GCM1: variants seen among roughly 807,000 people sequenced by gnomAD.
GCM1 encodes the protein chorion-specific transcription factor GCMa.
GCM1 carries 2 observed loss-of-function variants against 25.7 expected under a neutral mutation model. The observed-to-expected ratio is 0.08, with a 90% CI of 0.03 to 0.24. GCM1 has a LOEUF of 0.24. Among genes scored for constraint, GCM1 ranks in the 10% least tolerant of loss-of-function variants. The probability of loss-of-function intolerance (pLI) is 1.00; values close to 1 mark genes in which losing one functional copy is unlikely to be tolerated. For synonymous variants in GCM1, 183 were observed against 195.7 expected (o/e 0.94, Z 0.54); for missense variants, 395 against 538.7 (o/e 0.73, Z 2.64).
At chr6:53,144,253 T>A (rs1763921242) in intron 2 of GCM1, among the ~76,000 whole-genome samples, 1 of 150,930 alleles carries the variant, frequency 6.6e-6, no homozygotes, top group Non-Finnish European at 1.5e-5. Flanking sequence ...GAGACCCTCC[T>A]CTCAAAAACA....
chr6:53,139,438 G>A (rs1763842865), intron 2 of GCM1, among the ~76,000 whole-genome samples: 1 of 144,428 alleles, frequency 6.9e-6, no homozygotes, highest in Non-Finnish European at 1.5e-5. Context: ...AAGGCAGAAG[G>A]TTGCTTGAGC....
At chr6:53,133,138 A>G (rs1763748938) in intron 3 of GCM1, among the ~76,000 whole-genome samples, 1 of 152,202 alleles carries the variant, frequency 6.6e-6, no homozygotes, top group South Asian at 2.1e-4. Flanking sequence ...TACATGGGTC[A>G]TTGATGAATT....
chr6:53,148,302 G>C (rs1037484712), intron 1 of GCM1, among the ~76,000 whole-genome samples: 12 of 151,958 alleles, frequency 7.9e-5, no homozygotes, highest in Non-Finnish European at 1.5e-4. Context: ...TAAAAACCTT[G>C]GCAAATAAGA....
intron 2 of GCM1, among the ~76,000 whole-genome samples, chr6:53,145,281 G>C (rs1763938365): frequency 6.6e-6 from 1 of 152,200 alleles, no homozygotes; most frequent in South Asian, 2.1e-4. Flanking sequence ...GCCAGAGTGA[G>C]TGCAACCTGA....
chr6:53,146,222 T>A (rs974923369), intron 1 of GCM1, among the ~76,000 whole-genome samples: 6,766 of 81,830 alleles, frequency 0.083, 115 homozygotes, highest in East Asian at 0.12. Context: ...ATATATTTTT[T>A]TTTTTTTTTT....
chr6:53,144,906 C>T lies in GCM1; in HGVS notation c.75+652G>A, dbSNP rs545893154. 4.6e-5 allele frequency among the ~76,000 whole-genome samples: 5 copies of T among 108,806 alleles called. No individual in the cohort carries two copies. In the East Asian group the frequency reaches 1.4e-3, roughly 31 times the overall value. 71.4% of individuals were successfully genotyped at this position (108,806 alleles called of 152,430 possible). On this transcript the variant is annotated intron_variant, in intron 2 of 5. Transcript: ENST00000259803. Reference sequence around the variant, plus strand: ...CTCCAACCTAGTTGACAGAGCCAGACCCTACCTCAAAAAAAAAAAAAAAAA... The same window carrying T: ...CTCCAACCTAGTTGACAGAGCCAGATCCTACCTCAAAAAAAAAAAAAAAAA...
intron 5 of GCM1, among the ~76,000 whole-genome samples, chr6:53,129,805 G>T (rs1420911787): frequency 6.6e-6 from 1 of 152,006 alleles, no homozygotes; most frequent in Non-Finnish European, 1.5e-5. Flanking sequence ...TGGGAATTTT[G>T]TTGAACCATA....
At chr6:53,143,960 G>A (rs1763917220) in intron 2 of GCM1, among the ~76,000 whole-genome samples, 1 of 152,174 alleles carries the variant, frequency 6.6e-6, no homozygotes, top group Admixed American at 6.5e-5. Flanking sequence ...CCCTGCTTCT[G>A]ATAACTCAAA....
intron 1 of GCM1, among the ~76,000 whole-genome samples, chr6:53,147,001 GC>G (rs1763967061): frequency 6.6e-6 from 1 of 152,106 alleles, no homozygotes; most frequent in South Asian, 2.1e-4. Context: ...GTCACTGCAT[GC>G]CAGCCTGGGT....
intron 2 of GCM1, among the ~76,000 whole-genome samples, chr6:53,144,723 C>T (rs1251420110): frequency 3.3e-5 from 5 of 151,556 alleles, no homozygotes; most frequent in South Asian, 2.1e-4. Flanking sequence ...AAGACCAGCC[C>T]GGGCAACATG....
At chr6:53,130,705 G>A (rs1308729882) in intron 5 of GCM1, 98 bp downstream of exon 5, 2 of 940,022 alleles carry the variant, frequency 2.1e-6, no homozygotes, top group Non-Finnish European at 3.2e-6. Context: ...CATGATTTCT[G>A]GCTTTCCTGC....
At chr6:53,130,747 CCAGCA>C in intron 5 of GCM1, 51 bp downstream of exon 5, 1 of 1,498,636 alleles carries the variant, frequency 6.7e-7, no homozygotes, top group Non-Finnish European at 9.1e-7. Context: ...TCTACCGCCC[CCAGCA>C]CAGGCGTGGC....
At chr6:53,141,674 G>A (rs926860314) in intron 2 of GCM1, among the ~76,000 whole-genome samples, 4 of 151,520 alleles carry the variant, frequency 2.6e-5, no homozygotes, top group Admixed American at 6.6e-5. Flanking sequence ...GCAGCAGAGC[G>A]AGACTCTGTC....
At chr6:53,133,379 A>C (rs1763753521) in intron 3 of GCM1, among the ~76,000 whole-genome samples, 1 of 151,526 alleles carries the variant, frequency 6.6e-6, no homozygotes. Flanking sequence ...TTTAGTAGAG[A>C]TGGGTCTTCA....
chr6:53,137,483 A>G (rs949522895), intron 2 of GCM1, among the ~76,000 whole-genome samples: 1 of 152,216 alleles, frequency 6.6e-6, no homozygotes, highest in African/African-American at 2.4e-5. Context: ...AATGTAGGTT[A>G]AAACATTAAA....
rs779142740 is a variant in GCM1 at position 53,128,280 on chromosome 6, C to G, written c.1237G>C (p.Glu413Gln). The G allele has an allele frequency of 6.2e-7, 1 of 1,613,774 alleles. No individual in the cohort carries two copies. Among genetic ancestry groups the G allele is most frequent in the Non-Finnish European group, 8.5e-7 (1 of 1,179,904 alleles). Residue 413 changes from glutamate (E) to glutamine (Q), a missense_variant, in exon 6 of 6, where the codon GAG (glutamate) becomes CAG (glutamine). Transcript: ENST00000259803. ...AAACCCAAGTATGTCATTTCTTCCT[C>G]AAAATCCCATTTGCTGCTCTTGCTT... ...LPSKSSKWDF[E>Q]EEMTYLGLDH...
chr6:53,135,304 A>AAAT (rs1217930506), intron 2 of GCM1, among the ~76,000 whole-genome samples: 1 of 152,196 alleles, frequency 6.6e-6, no homozygotes, highest in East Asian at 1.9e-4. Context: ...GACCAAAATA[A>AAAT]AATAATAATT....
intron 5 of GCM1, 59 bp downstream of exon 5, chr6:53,130,744 C>T (rs1763711512): frequency 4.1e-6 from 6 of 1,465,954 alleles, no homozygotes; most frequent in East Asian, 2.3e-5. Context: ...AAATCTACCG[C>T]CCCCAGCACA....
chr6:53,140,007 G>A (rs1763852058), intron 2 of GCM1, among the ~76,000 whole-genome samples: 1 of 152,146 alleles, frequency 6.6e-6, no homozygotes, highest in African/African-American at 2.4e-5. Context: ...AGCTAAGCAA[G>A]GGACCTGCTG....
Sources: allele counts gnomAD v4.1 joint callset (sites outside exome capture counted in the v4.1 genomes callset), GRCh38; gene constraint gnomAD v4.1.1; transcripts MANE v1.5; gene names NCBI Gene and HGNC (gene_info 2026-07-23, HGNC 2026-07-21).